Variants in ATXN10 observed in about 807,000 individuals in gnomAD.
ATXN10 encodes the protein ataxin-10.
A neutral mutation model predicts 52.9 loss-of-function variants in ATXN10; 28 were observed. That is an observed-to-expected ratio of 0.53 (90% CI 0.39 to 0.73). The LOEUF (loss-of-function observed/expected upper bound fraction) is 0.73, where lower values mean the gene tolerates loss of function less well. Ranked by LOEUF, ATXN10 falls within the 30% of genes least tolerant of loss-of-function variation. The pLI is 0.00. For missense variants in ATXN10, 565 were observed against 577.0 expected, an observed-to-expected ratio of 0.98 and a Z score of 0.21; for synonymous variants, 226 against 221.5, an observed-to-expected ratio of 1.02 and a Z score of -0.18.
rs975724189 is a variant in ATXN10, at chr22:45,774,309, C to G, written c.1174-32650C>G. ...GAGTGAGAGCAGGAGCTGCACCTGT[C>G]TGGAATGGCAGCCTGTCCCTACCAG... On this transcript the variant is annotated intron_variant, in intron 9 of 11. Coordinates refer to ENST00000252934, the MANE Select transcript of ATXN10 (RefSeq NM_013236.4). This position sits in a 1 kb window ranked among gnomAD's most constrained non-coding sequence, Gnocchi z 6.2. 2.0e-5 allele frequency among the ~76,000 whole-genome samples: 3 copies of G among 152,250 alleles called. No individual in the cohort carries two copies. Among genetic ancestry groups the G allele is most frequent in the African/African-American group, 7.2e-5 (3 of 41,468 alleles).
intron 10 of ATXN10, among the ~76,000 whole-genome samples, chr22:45,834,304 CA>C (rs1363227629): frequency 1.3e-5 from 2 of 152,288 alleles, no homozygotes; most frequent in East Asian, 3.9e-4. Context: ...ACTTGGTAAA[CA>C]GCCTCTTTAC....
In ATXN10 at chr22:45,705,503, G is replaced by A. The variant is rs935582861; in HGVS notation, c.647+2656G>A. 2.0e-5 allele frequency among the ~76,000 whole-genome samples: 3 copies of A among 151,654 alleles called. No individual in the cohort carries two copies. The highest frequency in any genetic ancestry group is 4.4e-5 in the Non-Finnish European group (3 of 67,924). On this transcript the variant is annotated intron_variant, in intron 5 of 11. Coordinates refer to ENST00000252934, the MANE Select transcript of ATXN10 (RefSeq NM_013236.4). This position sits in a 1 kb window ranked among gnomAD's most constrained non-coding sequence, Gnocchi z 5.2. ...GGCTGGAGTGCAGTGGTGCGATCTC[G>A]GCTCACTGCAACCTCCGCCTCTTGG...
chr22:45,753,458 T>C (rs1926064648), intron 9 of ATXN10, among the ~76,000 whole-genome samples: 1 of 135,392 alleles, frequency 7.4e-6, no homozygotes, highest in Admixed American at 8.1e-5. Context: ...CAGGCTGGAG[T>C]GCTATGGTGT....
chr22:45,781,400 G>A lies in ATXN10; in HGVS notation c.1174-25559G>A, dbSNP rs1334924599. ...GTGAGGCACCCCTCTCTCCCCGGGT[G>A]TCAAAGGAGGTTGAGTGAGGGACCT... On this transcript the variant is annotated intron_variant, in intron 9 of 11. Transcript: ENST00000252934. This position sits in a 1 kb window ranked among gnomAD's most constrained non-coding sequence, Gnocchi z 4.2. 6.6e-6 allele frequency among the ~76,000 whole-genome samples: 1 copy of A among 152,152 alleles called. No homozygotes were observed. Among genetic ancestry groups the A allele is most frequent in the East Asian group, 1.9e-4 (1 of 5,188 alleles).
intron 9 of ATXN10, among the ~76,000 whole-genome samples, chr22:45,778,347 A>AT (rs1486018325): frequency 9.2e-5 from 14 of 152,310 alleles, no homozygotes; most frequent in African/African-American, 2.6e-4. Context: ...CAGTGAACGA[A>AT]TACTGGCCTT....
At chr22:45,768,233 G>C (rs1951419362) in intron 9 of ATXN10, among the ~76,000 whole-genome samples, 3 of 152,120 alleles carry the variant, frequency 2.0e-5, no homozygotes, top group Admixed American at 2.0e-4. Flanking sequence ...TTGGAGATAT[G>C]GCTGGTTTTA....
At chr22:45,765,162 A>G (rs964741526) in intron 9 of ATXN10, among the ~76,000 whole-genome samples, 5 of 152,204 alleles carry the variant, frequency 3.3e-5, no homozygotes, top group Admixed American at 2.6e-4. Flanking sequence ...TTGCCCTCTC[A>G]TCGCGGGGCC....
intron 1 of ATXN10, chr22:45,673,318 C>T (rs1314410579): frequency 6.6e-6 from 1 of 152,264 alleles, no homozygotes; most frequent in Non-Finnish European, 1.5e-5. Flanking sequence ...GAAAGAAATA[C>T]TGAGACTTGG....
chr22:45,795,354 G>GATTCTATTCTATTCTATTCTATTCT lies in ATXN10; in HGVS notation c.1174-11559_1174-11535dup, dbSNP rs60726084. Among the ~76,000 whole-genome samples the GATTCTATTCTATTCTATTCTATTCT allele has an allele frequency of 4.5e-4, 57 of 126,644 alleles. 1 individual carries two copies. The highest frequency in any genetic ancestry group is 3.0e-3 in the East Asian group (12 of 4,032). The allele number at this position is 126,644 out of a possible 152,430, so 83.1% of individuals were successfully genotyped here. ...ATCCAACTAAAAGACTACTAGAATG[G>GATTCTATTCTATTCTATTCTATTCT]ATTCTATTCTATTCTATTCTATTCT... On this transcript the variant is annotated intron_variant, in intron 9 of 11. Transcript: ENST00000252934. The surrounding 1 kb of genome is among the most constrained non-coding windows in gnomAD (Gnocchi z 4.6).
intron 6 of ATXN10, among the ~76,000 whole-genome samples, chr22:45,724,498 C>T (rs1601607662): frequency 6.6e-6 from 1 of 152,008 alleles, no homozygotes; most frequent in Non-Finnish European, 1.5e-5. Context: ...GTCATTTGCC[C>T]ACTTTTTGAT....
At chr22:45,838,178 C>G (rs1929228465) in intron 10 of ATXN10, among the ~76,000 whole-genome samples, 1 of 152,230 alleles carries the variant, frequency 6.6e-6, no homozygotes, top group South Asian at 2.1e-4. Flanking sequence ...TTTTCTGTAT[C>G]ATGCTGTTTC....
chr22:45,673,425 C>T (rs1345888066), intron 1 of ATXN10: 1 of 152,196 alleles, frequency 6.6e-6, no homozygotes, highest in African/African-American at 2.4e-5. Flanking sequence ...AAATGTGGAG[C>T]TGCTGAAGGA....
At position 45,712,683 on chromosome 22, in the gene ATXN10, A is replaced by G. The variant is rs1174588100; in HGVS notation, c.648-5730A>G. On this transcript the variant is annotated intron_variant, in intron 5 of 11. Transcript: ENST00000252934. This position sits in a 1 kb window ranked among gnomAD's most constrained non-coding sequence, Gnocchi z 4.6. ...TGGCACATGTAGATTCAGGAAATCT[A>G]TTTATATATTTTTCAGATTATAACT... 6.6e-6 allele frequency among the ~76,000 whole-genome samples: 1 copy of G among 152,182 alleles called. No individual in the cohort carries two copies. The highest frequency in any genetic ancestry group is 1.5e-5 in the Non-Finnish European group (1 of 68,038).
chr22:45,812,843 G>C (rs1928327660), intron 10 of ATXN10, among the ~76,000 whole-genome samples: 1 of 152,174 alleles, frequency 6.6e-6, no homozygotes, highest in Non-Finnish European at 1.5e-5. Flanking sequence ...GGACTGTATA[G>C]AACATTCCAC....
rs976734598 is a variant in ATXN10 at position 45,763,516 on chromosome 22, T to A, written c.1173+22978T>A. On this transcript the variant is annotated intron_variant, in intron 9 of 11. Transcript: ENST00000252934. This position sits in a 1 kb window ranked among gnomAD's most constrained non-coding sequence, Gnocchi z 6.9. ...TGCAGAGTGTGTGGCTGCTGCACCC[T>A]CAGGTGTTTGCTCATCTCCTCACAG... Among the ~76,000 whole-genome samples the A allele has an allele frequency of 9.2e-5, 14 of 152,146 alleles. 1 individual carries two copies. The highest frequency in any genetic ancestry group is 8.5e-4 in the Admixed American group (13 of 15,288).
rs912734038 is a variant in ATXN10, at chr22:45,825,410, T to C, written c.1238-17581T>C. 6.6e-6 allele frequency among the ~76,000 whole-genome samples: 1 copy of C among 152,238 alleles called. No individual in the cohort carries two copies. Among genetic ancestry groups the C allele is most frequent in the East Asian group, 1.9e-4 (1 of 5,182 alleles). ...TGTATATACAGGGAAAATTAGAAAG[T>C]CACCGTAGATTCCCAGGGAATAGCA... is the stretch of plus-strand genomic sequence containing the variant. On this transcript the variant is annotated intron_variant, in intron 10 of 11. Transcript: ENST00000252934. The surrounding 1 kb of genome is among the most constrained non-coding windows in gnomAD (Gnocchi z 4.5).
At chr22:45,697,720 C>A (rs1923671505) in intron 3 of ATXN10, among the ~76,000 whole-genome samples, 1 of 152,052 alleles carries the variant, frequency 6.6e-6, no homozygotes, top group South Asian at 2.1e-4. Flanking sequence ...GGCTCCGCCC[C>A]CTGGGGTTCA....
chr22:45,723,153 ATG>A (rs1032393717), intron 6 of ATXN10, among the ~76,000 whole-genome samples: 1 of 151,034 alleles, frequency 6.6e-6, no homozygotes, highest in Admixed American at 6.6e-5. Context: ...ATATATATAT[ATG>A]TGTGTGTGTG....
chr22:45,763,816 C>T lies in ATXN10; in HGVS notation c.1173+23278C>T, dbSNP rs1926483823. Among the ~76,000 whole-genome samples the T allele has an allele frequency of 6.6e-6, 1 of 152,230 alleles. No homozygotes were observed. Among genetic ancestry groups the T allele is most frequent in the Admixed American group, 6.5e-5 (1 of 15,290 alleles). On this transcript the variant is annotated intron_variant, in intron 9 of 11. Coordinates refer to ENST00000252934, the MANE Select transcript of ATXN10 (RefSeq NM_013236.4). The surrounding 1 kb of genome is among the most constrained non-coding windows in gnomAD (Gnocchi z 6.9). ...TTCACCATTCTGGTGCTGGGAACAG[C>T]ATAGCATGGTGGTGGAGTGGGCTCA...
Sources: allele counts gnomAD v4.1 joint callset (sites outside exome capture counted in the v4.1 genomes callset), GRCh38; gene constraint gnomAD v4.1.1; non-coding constraint Gnocchi (gnomAD v3.1); transcripts MANE v1.5; gene names NCBI Gene and HGNC (gene_info 2026-07-23, HGNC 2026-07-21).